The following NRG3 variants were observed in gnomAD, a reference collection of about 807,000 sequenced individuals.
The protein encoded by NRG3 is pro-neuregulin-3, membrane-bound isoform.
A neutral mutation model predicts 66.9 loss-of-function variants in NRG3; 31 were observed. The ratio of observed to expected loss-of-function variants is 0.46; its 90% confidence interval spans 0.35 to 0.63. The LOEUF is 0.63. Among genes scored for constraint, NRG3 ranks in the 20% least tolerant of loss-of-function variants. NRG3 has a pLI of 0.00. For missense variants in NRG3, 910 were observed against 878.9 expected (o/e 1.04, Z -0.45); for synonymous variants, 393 against 359.4 (o/e 1.09, Z -1.06).
intron 2 of NRG3, among the ~76,000 whole-genome samples, chr10:82,676,586 C>A (rs1292848477): frequency 2.0e-5 from 3 of 151,948 alleles, no homozygotes; most frequent in Non-Finnish European, 4.4e-5. Flanking sequence ...CAGGTTCAAG[C>A]AACTCTTCTG....
intron 1 of NRG3, among the ~76,000 whole-genome samples, chr10:81,945,099 T>G (rs1291925540): frequency 2.0e-5 from 3 of 152,146 alleles, no homozygotes; most frequent in Non-Finnish European, 2.9e-5. Context: ...TCAGGGCTCT[T>G]TCTCTTCCTG....
intron 1 of NRG3, among the ~76,000 whole-genome samples, chr10:82,202,547 AT>A (rs1200745113): frequency 8.5e-5 from 13 of 152,170 alleles, no homozygotes; most frequent in Non-Finnish European, 1.8e-4. Context: ...AACTTACATT[AT>A]TTTCTATTTT....
chr10:82,888,247 TAAG>T (rs1036798205), intron 4 of NRG3, among the ~76,000 whole-genome samples: 3 of 152,188 alleles, frequency 2.0e-5, no homozygotes, highest in African/African-American at 7.2e-5. Context: ...CTAGTGATAT[TAAG>T]AGGTGTTTTG....
chr10:82,972,600 T>G (rs6585083), intron 6 of NRG3, among the ~76,000 whole-genome samples: 141,269 of 152,178 alleles, frequency 0.93, 65,594 homozygotes, highest in Middle Eastern at 0.98. Flanking sequence ...TTAGAAATGG[T>G]ACTTAGGGTG....
At chr10:82,153,364 C>T (rs1253189564) in intron 1 of NRG3, among the ~76,000 whole-genome samples, 1 of 151,608 alleles carries the variant, frequency 6.6e-6, no homozygotes, top group Non-Finnish European at 1.5e-5. Context: ...TCCATGTTGT[C>T]ACAAATGACA....
chr10:82,136,982 G>T (rs953487583), intron 1 of NRG3, among the ~76,000 whole-genome samples: 5 of 152,200 alleles, frequency 3.3e-5, no homozygotes, highest in African/African-American at 7.2e-5. Flanking sequence ...ACCCTCTTCA[G>T]TACCTCTTTC....
intron 1 of NRG3, among the ~76,000 whole-genome samples, chr10:82,291,683 G>T (rs1303419329): frequency 6.6e-6 from 1 of 152,062 alleles, no homozygotes; most frequent in Non-Finnish European, 1.5e-5. Context: ...TTTTGACAAA[G>T]GCACAAAAGC....
At position 82,766,208 on chromosome 10, in the gene NRG3, T is replaced by C. The variant is rs187834167; in HGVS notation, c.1027+27558T>C. Among the ~76,000 whole-genome samples, 49 of 152,260 alleles carry C rather than the reference T, an allele frequency of 3.2e-4. 1 individual carries two copies. In the East Asian group the frequency reaches 8.7e-3, roughly 27 times the overall value. On this transcript the variant is annotated intron_variant, in intron 3 of 8. Transcript: ENST00000372141. ...ATGAACCATAATTTACTTTAATTAT[T>C]TTTACGTGTGAATGTACGAAAGTAA...
intron 6 of NRG3, among the ~76,000 whole-genome samples, chr10:82,969,270 A>T (rs1202278368): frequency 1.3e-5 from 2 of 152,184 alleles, no homozygotes; most frequent in East Asian, 1.9e-4. Context: ...TTTATTAGAT[A>T]AAAAAAGATA....
intron 1 of NRG3, among the ~76,000 whole-genome samples, chr10:81,904,538 A>G (rs909264714): frequency 2.0e-5 from 3 of 152,018 alleles, no homozygotes; most frequent in African/African-American, 2.4e-5. Flanking sequence ...TTACTGTCTC[A>G]TTAGTCAAAT....
intron 2 of NRG3, among the ~76,000 whole-genome samples, chr10:82,412,498 CCT>C (rs1366153041): frequency 6.6e-6 from 1 of 152,102 alleles, no homozygotes; most frequent in African/African-American, 2.4e-5. Context: ...GAGTTATAAT[CCT>C]TTTGCTGGTG....
At chr10:82,503,914 G>A (rs1844431060) in intron 2 of NRG3, among the ~76,000 whole-genome samples, 1 of 152,156 alleles carries the variant, frequency 6.6e-6, no homozygotes, top group Non-Finnish European at 1.5e-5. Context: ...CTTTAAAGGA[G>A]GCAGACGGCC....
At chr10:82,084,991 C>T (rs2065633654) in intron 1 of NRG3, among the ~76,000 whole-genome samples, 1 of 152,052 alleles carries the variant, frequency 6.6e-6, no homozygotes, top group African/African-American at 2.4e-5. Flanking sequence ...CAACTAGTCC[C>T]CTCAGAAAAT....
chr10:82,973,923 T>C lies in NRG3; in HGVS notation c.1412+8T>C. 1 of 1,613,788 alleles carries C rather than the reference T, an allele frequency of 6.2e-7. No individual in the cohort carries two copies. Among genetic ancestry groups the C allele is most frequent in the Non-Finnish European group, 8.5e-7 (1 of 1,179,880 alleles). On this transcript the variant is annotated splice_region_variant and intron_variant, in intron 7 of 8. Transcript: ENST00000372141. ...GTCTGTCAAACACCACAGGTACAAG[T>C]AGCTCATCATGGTGGGTGTGGGCAC...
intron 1 of NRG3, among the ~76,000 whole-genome samples, chr10:82,158,963 C>A (rs2071378487): frequency 6.6e-6 from 1 of 151,856 alleles, no homozygotes; most frequent in Non-Finnish European, 1.5e-5. Context: ...AATGCTCAAA[C>A]TTCTGCATGA....
At chr10:82,609,345 C>A (rs2048164361) in intron 2 of NRG3, among the ~76,000 whole-genome samples, 1 of 152,124 alleles carries the variant, frequency 6.6e-6, no homozygotes. Flanking sequence ...TTTTGATTAG[C>A]ACTGATTTGG....
chr10:82,502,159 T>A (rs1441301918), intron 2 of NRG3, among the ~76,000 whole-genome samples: 2 of 152,096 alleles, frequency 1.3e-5, no homozygotes, highest in African/African-American at 2.4e-5. Flanking sequence ...TCTAAAAAAA[T>A]TAGGGTTTTT....
chr10:81,900,577 C>T (rs1843972128), intron 1 of NRG3, among the ~76,000 whole-genome samples: 1 of 152,180 alleles, frequency 6.6e-6, no homozygotes, highest in Non-Finnish European at 1.5e-5. Context: ...CTGATTGCCA[C>T]AGTCACTGAA....
chr10:82,533,807 G>A (rs993432988), intron 2 of NRG3, among the ~76,000 whole-genome samples: 1 of 152,098 alleles, frequency 6.6e-6, no homozygotes, highest in Non-Finnish European at 1.5e-5. Flanking sequence ...AATTGTGCCT[G>A]TTGCAGACAA....
Sources: allele counts gnomAD v4.1 joint callset (sites outside exome capture counted in the v4.1 genomes callset), GRCh38; gene constraint gnomAD v4.1.1; transcripts MANE v1.5; gene names NCBI Gene and HGNC (gene_info 2026-07-23, HGNC 2026-07-21).